The following DOCK5 variants were observed in gnomAD, a reference collection of about 807,000 sequenced individuals.
DOCK5 encodes the protein dedicator of cytokinesis protein 5.
Under a neutral mutation model 251.8 loss-of-function variants are expected in DOCK5, and 142 were observed. The observed-to-expected ratio is 0.56, with a 90% confidence interval of 0.49 to 0.65. DOCK5 has a LOEUF of 0.65. DOCK5 is among the 30% of genes least tolerant of loss of function. The pLI is 0.00. For missense variants in DOCK5, 2,111 were observed against 2,312.3 expected, an observed-to-expected ratio of 0.91 and a Z score of 1.79; for synonymous variants, 842 against 835.5, an observed-to-expected ratio of 1.01 and a Z score of -0.13.
chr8:25,204,844 T>C (rs547176333), intron 1 of DOCK5, among the ~76,000 whole-genome samples: 1 of 152,270 alleles, frequency 6.6e-6, no homozygotes, highest in African/African-American at 2.4e-5. Flanking sequence ...CTCTCAGTCG[T>C]CTTTCCCAAA....
At chr8:25,287,838 A>G (rs1364417241) in intron 5 of DOCK5, among the ~76,000 whole-genome samples, 3 of 151,476 alleles carry the variant, frequency 2.0e-5, no homozygotes. Flanking sequence ...CTGGAAGGAG[A>G]GCAACTGGAG....
At position 25,408,915 on chromosome 8, in the gene DOCK5, C is replaced by T. The variant is rs200077904; in HGVS notation, c.5379C>T (p.Leu1793=). The T allele has an allele frequency of 2.9e-5, 47 of 1,614,002 alleles. No homozygotes were observed. In the Middle Eastern group the frequency reaches 4.9e-4, roughly 17 times the overall value. Residue 1793 remains leucine, a synonymous_variant, in exon 50 of 52, where the codon CTC becomes CTT. Transcript: ENST00000276440. ...CAACACCCTTGAGCCCACCTCCACT[C>T]ACTCCCAAAGCCACCAGGACCCTAA... ...PQSTPLSPPP[L]TPKATRTLSS...
chr8:25,201,810 G>A (rs938231861), intron 1 of DOCK5, among the ~76,000 whole-genome samples: 3 of 152,162 alleles, frequency 2.0e-5, no homozygotes, highest in Non-Finnish European at 4.4e-5. Flanking sequence ...TTGCTCAGTC[G>A]CAGCCTCCCT....
rs185875100 is a variant in DOCK5 at position 25,257,977 on chromosome 8, G to A, written c.128-10868G>A. Among the ~76,000 whole-genome samples the A allele has an allele frequency of 1.2e-3, 181 of 152,192 alleles. 1 individual carries two copies. The highest frequency in any genetic ancestry group is 4.1e-3 in the African/African-American group (171 of 41,538). On this transcript the variant is annotated intron_variant, in intron 2 of 51. Coordinates refer to ENST00000276440, the MANE Select transcript of DOCK5 (RefSeq NM_024940.8). The stretch of plus-strand genomic sequence containing the variant: ...AGACTTTTAGCAAGAAGGACTAACC[G>A]CTGGCAAGATTACTTTGCTTTAAAA...
chr8:25,245,524 T>G (rs1188121351), intron 2 of DOCK5, among the ~76,000 whole-genome samples: 1 of 151,812 alleles, frequency 6.6e-6, no homozygotes, highest in East Asian at 1.9e-4. Context: ...TATTTAAGGA[T>G]TATTGGGTGC....
At position 25,342,389 on chromosome 8, in the gene DOCK5, T is replaced by C. The variant is rs1316207255; in HGVS notation, c.2511-12T>C. 3.2e-6 allele frequency: 5 copies of C among 1,570,014 alleles called. No individual in the cohort carries two copies. The highest frequency in any genetic ancestry group is 4.3e-6 in the Non-Finnish European group (5 of 1,154,864). ...AACGAAGACACTACTAACCCTGAGGTTTCTCTCCCAGCGTGCTCTTCTGCA... is the reference window on the plus strand; with the variant it reads ...AACGAAGACACTACTAACCCTGAGGCTTCTCTCCCAGCGTGCTCTTCTGCA... On this transcript the variant is annotated splice_polypyrimidine_tract_variant and intron_variant, in intron 24 of 51. Transcript: ENST00000276440.
chr8:25,219,333 A>G (rs915891023), intron 1 of DOCK5, among the ~76,000 whole-genome samples: 2 of 151,866 alleles, frequency 1.3e-5, no homozygotes, highest in Admixed American at 6.6e-5. Flanking sequence ...TGTCAGTGGC[A>G]TGTTTTTTTA....
chr8:25,281,414 G>A (rs1804188846), intron 5 of DOCK5, among the ~76,000 whole-genome samples: 3 of 142,390 alleles, frequency 2.1e-5, no homozygotes, highest in Admixed American at 7.5e-5. Flanking sequence ...ACTTCAGCCT[G>A]GGGGAAAAGA....
chr8:25,241,791 G>A (rs1450324833), intron 1 of DOCK5, among the ~76,000 whole-genome samples: 1 of 152,044 alleles, frequency 6.6e-6, no homozygotes, highest in Non-Finnish European at 1.5e-5. Flanking sequence ...AGAAAATGTG[G>A]CATATATACA....
intron 11 of DOCK5, among the ~76,000 whole-genome samples, chr8:25,306,566 C>T (rs991211018): frequency 3.3e-5 from 5 of 151,420 alleles, no homozygotes; most frequent in Admixed American, 2.0e-4. Flanking sequence ...CAGTGGCGGG[C>T]GCCTGTAGTC....
intron 1 of DOCK5, among the ~76,000 whole-genome samples, chr8:25,224,589 G>T (rs1802481238): frequency 6.6e-6 from 1 of 152,194 alleles, no homozygotes; most frequent in South Asian, 2.1e-4. Context: ...GCTTCAACTA[G>T]GGGAGAGAAA....
chr8:25,409,002 G>A (rs1305499228), intron 50 of DOCK5, 62 bp downstream of exon 50: 3 of 1,606,882 alleles, frequency 1.9e-6, no homozygotes, highest in Non-Finnish European at 2.6e-6. Context: ...TTATGCATCT[G>A]GGCAGTTTGT....
chr8:25,244,782 A>G (rs1803053399), intron 2 of DOCK5, among the ~76,000 whole-genome samples: 1 of 152,190 alleles, frequency 6.6e-6, no homozygotes, highest in Non-Finnish European at 1.5e-5. Context: ...AGACTCTGCT[A>G]TTACTGCAGC....
intron 3 of DOCK5, among the ~76,000 whole-genome samples, chr8:25,272,172 G>C (rs1163863399): frequency 3.3e-5 from 5 of 152,040 alleles, no homozygotes; most frequent in Admixed American, 3.3e-4. Flanking sequence ...GGGACCATTG[G>C]CATGTGCCAC....
chr8:25,326,775 G>T (rs186650433), intron 18 of DOCK5, among the ~76,000 whole-genome samples: 26 of 152,246 alleles, frequency 1.7e-4, no homozygotes, highest in Admixed American at 1.3e-3. Context: ...TTATGTACAA[G>T]GATGTTGTTT....
chr8:25,271,731 T>A (rs1803917688), intron 3 of DOCK5, among the ~76,000 whole-genome samples: 1 of 152,220 alleles, frequency 6.6e-6, no homozygotes, highest in Non-Finnish European at 1.5e-5. Flanking sequence ...ATCATTAGTT[T>A]ATTTTTCTAC....
Position 25,300,576 on chromosome 8 carries a change from T to C in DOCK5, c.765T>C (p.Ser255=), listed in dbSNP as rs368407696. ...GAGCAATTTTTTTTTCCTTTGCCAG[T>C]GAGAACTATCTAATTCGTTGGGGCA... The part of the protein sequence containing the change: ...LYDPDQSTFI[S]ENYLIRWGSN... The change falls in exon 9 of 52, where the codon AGT becomes AGC. Residue 255 remains serine, a splice_region_variant and synonymous_variant. Coordinates refer to ENST00000276440, the MANE Select transcript of DOCK5 (RefSeq NM_024940.8). 1.1e-5 allele frequency: 18 copies of C among 1,611,864 alleles called. No homozygotes were observed. The highest frequency in any genetic ancestry group is 1.4e-5 in the Non-Finnish European group (16 of 1,178,952).
chr8:25,380,618 G>T (rs1328296094), intron 39 of DOCK5, among the ~76,000 whole-genome samples: 1 of 152,218 alleles, frequency 6.6e-6, no homozygotes, highest in Non-Finnish European at 1.5e-5. Flanking sequence ...TGGAAGTGGA[G>T]TGGGGTTGTC....
At chr8:25,374,876 G>A (rs555791630) in intron 37 of DOCK5, 215 of 1,367,550 alleles carry the variant, frequency 1.6e-4, no homozygotes, top group Admixed American at 5.1e-4. Flanking sequence ...AGCAGAGCAC[G>A]ACTTATGAAC....
Sources: allele counts gnomAD v4.1 joint callset (sites outside exome capture counted in the v4.1 genomes callset), GRCh38; gene constraint gnomAD v4.1.1; transcripts MANE v1.5; gene names NCBI Gene and HGNC (gene_info 2026-07-23, HGNC 2026-07-21).